The following RIMBP2 variants were observed in gnomAD, a reference collection of about 807,000 sequenced individuals.
RIMBP2 encodes the protein RIMS-binding protein 2.
RIMBP2 carries 48 observed loss-of-function variants against 118.6 expected under a neutral mutation model. That is an observed-to-expected ratio of 0.40 (90% confidence interval 0.32 to 0.51). The LOEUF is 0.51. Among genes scored for constraint, RIMBP2 ranks in the 20% least tolerant of loss-of-function variants. The probability of loss-of-function intolerance (pLI) is 0.41; values close to 1 mark genes in which losing one functional copy is unlikely to be tolerated. For synonymous variants in RIMBP2, 762 were observed against 742.9 expected (o/e 1.03, Z -0.42); for missense variants, 1,551 against 1,768.3 (o/e 0.88, Z 2.20).
At chr12:130,522,295 C>T (rs1357079534) in intron 2 of RIMBP2, among the ~76,000 whole-genome samples, 1 of 152,248 alleles carries the variant, frequency 6.6e-6, no homozygotes. Context: ...CTTTCAAACG[C>T]CACTGCCCAC....
At chr12:130,637,128 T>C in intron 1 of RIMBP2, among the ~76,000 whole-genome samples, 1 of 152,242 alleles carries the variant, frequency 6.6e-6, no homozygotes, top group East Asian at 1.9e-4. Flanking sequence ...CCATCGAATC[T>C]TTGCACTGAG....
At chr12:130,514,137 A>G (rs2051194194) in intron 3 of RIMBP2, among the ~76,000 whole-genome samples, 9 of 152,230 alleles carry the variant, frequency 5.9e-5, no homozygotes, top group Admixed American at 4.6e-4. Flanking sequence ...CAAGCTCCGC[A>G]AAGCAGGCTG....
rs571768204 is a variant in RIMBP2 at position 130,486,958 on chromosome 12, C to T, written c.-3-7942G>A. Among the ~76,000 whole-genome samples the T allele has an allele frequency of 3.3e-5, 5 of 152,298 alleles. No individual in the cohort carries two copies. In the East Asian group the frequency reaches 5.8e-4, roughly 18 times the overall value. ...ACTGGCTGCACCAGAGATTGCCCCA[C>T]AGCCATTCTCCTTCAAGAGCACAAA... On this transcript the variant is annotated intron_variant, in intron 4 of 22. Transcript: ENST00000690449.
intron 4 of RIMBP2, among the ~76,000 whole-genome samples, chr12:130,494,175 A>G (rs1463366251): frequency 6.6e-6 from 1 of 152,170 alleles, no homozygotes; most frequent in African/African-American, 2.4e-5. Flanking sequence ...CGCTGGGGAC[A>G]GGGACAGAGC....
chr12:130,471,635 G>GC (rs1221136944), intron 5 of RIMBP2: 1 of 152,340 alleles, frequency 6.6e-6, no homozygotes, highest in African/African-American at 2.4e-5. Flanking sequence ...ATTGCTCTGT[G>GC]CCCCATCTGA....
chr12:130,537,740 A>G (rs1224442640), intron 2 of RIMBP2, among the ~76,000 whole-genome samples: 3 of 152,212 alleles, frequency 2.0e-5, no homozygotes, highest in Non-Finnish European at 4.4e-5. Context: ...TAAATTCATC[A>G]GCCCCAGAGA....
At chr12:130,516,292 G>A (rs868867676) in intron 3 of RIMBP2, among the ~76,000 whole-genome samples, 1 of 152,138 alleles carries the variant, frequency 6.6e-6, no homozygotes, top group Non-Finnish European at 1.5e-5. Flanking sequence ...ATATGCATGG[G>A]CAAAGCTGCA....
intron 3 of RIMBP2, among the ~76,000 whole-genome samples, chr12:130,507,950 C>G (rs553650844): frequency 6.6e-6 from 1 of 152,172 alleles, no homozygotes; most frequent in Non-Finnish European, 1.5e-5. Context: ...ACTTGGCATT[C>G]CCAAATGGGA....
intron 5 of RIMBP2, among the ~76,000 whole-genome samples, chr12:130,477,657 G>A (rs145816776): frequency 6.6e-6 from 1 of 152,288 alleles, no homozygotes. Context: ...TTAGAGAAAT[G>A]GCATCAGAAC....
At chr12:130,537,290 A>G (rs868439789) in intron 2 of RIMBP2, among the ~76,000 whole-genome samples, 4 of 152,348 alleles carry the variant, frequency 2.6e-5, no homozygotes, top group Middle Eastern at 3.4e-3. Flanking sequence ...CTTTACGCCA[A>G]AAGTTTTGCC....
intron 1 of RIMBP2, among the ~76,000 whole-genome samples, chr12:130,635,274 A>T (rs1026350583): frequency 1.3e-5 from 2 of 152,124 alleles, no homozygotes. Flanking sequence ...TCCCCATTAG[A>T]CTGTCACTCC....
intron 2 of RIMBP2, among the ~76,000 whole-genome samples, chr12:130,522,435 C>T (rs1482630103): frequency 3.3e-5 from 5 of 152,218 alleles, no homozygotes; most frequent in South Asian, 4.1e-4. Context: ...GCGGGTGCCA[C>T]GTGGGGACGG....
intron 15 of RIMBP2, chr12:130,426,670 T>A (rs1431208711): frequency 6.6e-6 from 1 of 152,368 alleles, no homozygotes; most frequent in Non-Finnish European, 1.5e-5. Context: ...GCGATCCCCC[T>A]GTTGCTAAGA....
At chr12:130,470,960 C>G (rs941234032) in intron 5 of RIMBP2, among the ~76,000 whole-genome samples, 6 of 152,236 alleles carry the variant, frequency 3.9e-5, no homozygotes, top group African/African-American at 1.4e-4. Flanking sequence ...TCCAGGGGGT[C>G]TGGGACACAG....
At chr12:130,685,499 G>T (rs965461713) in intron 1 of RIMBP2, among the ~76,000 whole-genome samples, 1 of 152,108 alleles carries the variant, frequency 6.6e-6, no homozygotes, top group Non-Finnish European at 1.5e-5. Context: ...GATGTCATCC[G>T]CCTGACCCTG....
rs372368270 is a variant in RIMBP2, at chr12:130,442,394, T to G, written c.958A>C (p.Ile320Leu). The G allele has an allele frequency of 6.2e-7, 1 of 1,613,904 alleles. No individual in the cohort carries two copies. Among genetic ancestry groups the G allele is most frequent in the Non-Finnish European group, 8.5e-7 (1 of 1,180,014 alleles). Residue 320 changes from isoleucine to leucine, a missense_variant, in exon 11 of 23, where the codon ATC becomes CTC. By Grantham distance (5) the Ile-to-Leu change is conservative (BLOSUM62 2). Around this residue, in one of 5 missense-constraint regions of RIMBP2, gnomAD observed 265 missense variants for 349.5 expected, o/e 0.76. Coordinates refer to ENST00000690449, the MANE Select transcript of RIMBP2 (RefSeq NM_001393629.1). This position sits in a 1 kb window ranked among gnomAD's most constrained non-coding sequence, Gnocchi z 6.9. The stretch of plus-strand genomic sequence containing the variant: ...TTGGCGAGTTGTTTGATGAGGGTGA[T>G]TTTTCTAGGGTAAGGCACGATGTCT... ...GEDIVPYPRK[I>L]TLIKQLAKSV... is the part of the protein sequence containing the mutation.
In RIMBP2 at chr12:130,438,234, G is replaced by A. The variant is rs540833487; in HGVS notation, c.1656+131C>T. 9.4e-4 allele frequency: 933 copies of A among 991,568 alleles called. 11 individuals carry two copies. Among genetic ancestry groups the A allele is most frequent in the South Asian group, 8.9e-3 (560 of 63,262 alleles). 61.4% of individuals were successfully genotyped at this position (991,568 alleles called of 1,614,324 possible). A position where few individuals can be genotyped will look rare whatever the true frequency, so the allele number is the denominator to read the frequency against. ...TGGGGTTCACGCTGATGGAGTCTTC[G>A]GGGTTGAGGGTGCCTCCAGTGATCA... On this transcript the variant is annotated intron_variant, in intron 12 of 22. Transcript: ENST00000690449.
chr12:130,694,217 T>C (rs985351280), intron 1 of RIMBP2, among the ~76,000 whole-genome samples: 1 of 152,124 alleles, frequency 6.6e-6, no homozygotes, highest in African/African-American at 2.4e-5. Flanking sequence ...AAAACCCTCC[T>C]TGGAGGAGGA....
In RIMBP2 at chr12:130,622,919, CT is replaced by C. The variant is rs1225685474; in HGVS notation, c.-217+5402del. ...GTAAACAGTTCTTGCCTACTAAGCC[CT>C]GCAGGTAGGAACAAGAAGACTCATC... On this transcript the variant is annotated intron_variant, in intron 2 of 22. Coordinates refer to ENST00000690449, the MANE Select transcript of RIMBP2 (RefSeq NM_001393629.1). The surrounding 1 kb of genome is among the most constrained non-coding windows in gnomAD (Gnocchi z 8.5). Among the ~76,000 whole-genome samples the C allele has an allele frequency of 2.6e-5, 4 of 152,286 alleles. No individual in the cohort carries two copies. Among genetic ancestry groups the C allele is most frequent in the Admixed American group, 2.6e-4 (4 of 15,300 alleles).
Sources: gnomAD v4.1 joint callset for allele counts (sites outside exome capture counted in the v4.1 genomes callset) on GRCh38, gnomAD v4.1.1 for gene constraint, gnomAD v4.1.1 regional missense constraint, Gnocchi (gnomAD v3.1) non-coding constraint, MANE v1.5 for transcripts, NCBI Gene and HGNC (gene_info 2026-07-23, HGNC 2026-07-21) for gene names.